Variants in SMIM20 observed in about 807,000 individuals in gnomAD.
SMIM20 encodes the protein mitochondrial translation regulation assembly intermediate of cytochrome c oxidase protein of 7 kDa.
SMIM20 carries 3 observed loss-of-function variants against 8.7 expected under a neutral mutation model. The observed-to-expected ratio is 0.34, with a 90% CI of 0.16 to 0.89. The LOEUF (loss-of-function observed/expected upper bound fraction) is 0.89. Ranked by LOEUF, SMIM20 falls within the 40% of genes least tolerant of loss-of-function variation. The pLI, the probability that SMIM20 is intolerant of heterozygous loss-of-function variation, is 0.49. For synonymous variants in SMIM20, 44 were observed against 33.6 expected, an observed-to-expected ratio of 1.31 and a Z score of -1.07; for missense variants, 85 against 84.8, an observed-to-expected ratio of 1.00 and a Z score of -0.01.
At chr4:25,926,119 C>G (rs1719288061) in intron 1 of SMIM20, among the ~76,000 whole-genome samples, 1 of 152,198 alleles carries the variant, frequency 6.6e-6, no homozygotes, top group Non-Finnish European at 1.5e-5. Context: ...AGTTAAACCC[C>G]TGACTTCTGC....
chr4:25,921,782 A>C (rs570043928), intron 1 of SMIM20, among the ~76,000 whole-genome samples: 1 of 152,222 alleles, frequency 6.6e-6, no homozygotes, highest in Non-Finnish European at 1.5e-5. Context: ...GCTGGGGAAC[A>C]CCAGTGTCAG....
At chr4:25,924,486 T>C (rs930693029) in intron 1 of SMIM20, among the ~76,000 whole-genome samples, 3 of 152,124 alleles carry the variant, frequency 2.0e-5, no homozygotes, top group East Asian at 3.9e-4. Flanking sequence ...AATAAATAAA[T>C]AAACAAAAGA....
intron 1 of SMIM20, among the ~76,000 whole-genome samples, chr4:25,923,263 A>G (rs1375067731): frequency 6.6e-6 from 1 of 152,226 alleles, no homozygotes; most frequent in African/African-American, 2.4e-5. Context: ...ACAGATGGCT[A>G]ATCTGTCTTT....
chr4:25,927,105 T>A (rs1711529720), intron 1 of SMIM20, among the ~76,000 whole-genome samples: 1 of 152,348 alleles, frequency 6.6e-6, no homozygotes. Context: ...GAGAGAATCT[T>A]GGTTGCCATT....
At position 25,929,176 on chromosome 4, in the gene SMIM20, AT is replaced by A. The variant is rs1711584486; in HGVS notation, c.192del (p.Phe64LeufsTer13). 1 of 1,551,996 alleles carries A rather than the reference AT, an allele frequency of 6.4e-7. No individual in the cohort carries two copies. Among genetic ancestry groups the A allele is most frequent in the South Asian group, 1.2e-5 (1 of 84,052 alleles). On this transcript the variant is annotated frameshift_variant, in exon 3 of 3. Transcript: ENST00000506197. LOFTEE classifies it high-confidence loss of function. Reference protein sequence around the residue: ...PPGLKVWSDPFGRK With the variant: ...PPGLKVWSDPXGRK Reference sequence around the variant, plus strand: ...TAGGGTTAAAAGTGTGGTCTGATCCATTTGGCAGGAAATGAGAGGGCTGTCA... The same window carrying A: ...TAGGGTTAAAAGTGTGGTCTGATCCATTGGCAGGAAATGAGAGGGCTGTCA...
chr4:25,918,724 G>A (rs1224641310), intron 1 of SMIM20, among the ~76,000 whole-genome samples: 1 of 151,510 alleles, frequency 6.6e-6, no homozygotes, highest in African/African-American at 2.4e-5. Flanking sequence ...TGTTGGCCAG[G>A]CTGGTCTCGA....
chr4:25,922,602 G>A (rs1215589730), intron 1 of SMIM20, among the ~76,000 whole-genome samples: 2 of 152,188 alleles, frequency 1.3e-5, no homozygotes, highest in Non-Finnish European at 1.5e-5. Flanking sequence ...ACTCCTGTTA[G>A]CCTTTCTTGT....
chr4:25,922,110 G>T (rs572001406), intron 1 of SMIM20, among the ~76,000 whole-genome samples: 1 of 152,330 alleles, frequency 6.6e-6, no homozygotes, highest in South Asian at 2.1e-4. Context: ...TATTAATAGT[G>T]TATTAAGTTG....
At chr4:25,923,146 C>G (rs1719227809) in intron 1 of SMIM20, among the ~76,000 whole-genome samples, 1 of 152,206 alleles carries the variant, frequency 6.6e-6, no homozygotes, top group Non-Finnish European at 1.5e-5. Flanking sequence ...AACCAGAAGT[C>G]TGGGTACAGT....
intron 1 of SMIM20, among the ~76,000 whole-genome samples, chr4:25,925,063 TTA>T (rs555957329): frequency 6.6e-6 from 1 of 151,994 alleles, no homozygotes; most frequent in East Asian, 1.9e-4. Flanking sequence ...AGATATCTTG[TTA>T]TATATATATG....
At chr4:25,920,280 T>C (rs931729145) in intron 1 of SMIM20, among the ~76,000 whole-genome samples, 1 of 152,194 alleles carries the variant, frequency 6.6e-6, no homozygotes, top group Non-Finnish European at 1.5e-5. Context: ...CATAAGATTA[T>C]CATGGTGCTG....
chr4:25,915,860 G>A lies in SMIM20; in HGVS notation c.109+1438G>A, dbSNP rs1359923064. On this transcript the variant is annotated intron_variant, in intron 1 of 2. Coordinates refer to ENST00000506197, the MANE Select transcript of SMIM20 (RefSeq NM_001145432.3). ...TGCTTGTCACAACTTGGGATGGGGC[G>A]GGGGGGGGGTCGAGTGTTGCTACTG... 3.5e-4 allele frequency among the ~76,000 whole-genome samples: 17 copies of A among 48,412 alleles called. 4 individuals are homozygous for A. Among genetic ancestry groups the A allele is most frequent in the African/African-American group, 1.3e-4 (1 of 7,918 alleles). The allele number at this position is 48,412 out of a possible 152,430, so 31.8% of individuals were successfully genotyped here.
intron 1 of SMIM20, among the ~76,000 whole-genome samples, chr4:25,917,409 C>G (rs575547902): frequency 6.6e-6 from 1 of 152,020 alleles, no homozygotes; most frequent in Non-Finnish European, 1.5e-5. Flanking sequence ...AAAATGTTTA[C>G]AAAATAATGA....
rs1344456176 is a variant in SMIM20 at position 25,918,998 on chromosome 4, G to A, written c.109+4576G>A. Among the ~76,000 whole-genome samples the A allele has an allele frequency of 5.0e-4, 68 of 135,802 alleles. 1 individual carries two copies. Among genetic ancestry groups the A allele is most frequent in the Non-Finnish European group, 2.1e-4 (14 of 65,310 alleles). The allele number at this position is 135,802 out of a possible 152,430, so 89.1% of individuals were successfully genotyped here. A position where few individuals can be genotyped will look rare whatever the true frequency, so the allele number is the denominator to read the frequency against. ...CGGCTCACTGCAAGCTCCGCTTCCC[G>A]GGTTCACGCCATTCTCCTGCCTCAG... On this transcript the variant is annotated intron_variant, in intron 1 of 2. Transcript: ENST00000506197.
chr4:25,922,161 A>G (rs1719213046), intron 1 of SMIM20, among the ~76,000 whole-genome samples: 1 of 152,146 alleles, frequency 6.6e-6, no homozygotes, highest in Non-Finnish European at 1.5e-5. Flanking sequence ...GGAGAATGGC[A>G]AAGTTTCCAG....
intron 1 of SMIM20, among the ~76,000 whole-genome samples, chr4:25,925,969 G>T (rs931082603): frequency 3.3e-5 from 5 of 152,138 alleles, no homozygotes; most frequent in African/African-American, 1.2e-4. Flanking sequence ...GCACCAGGGG[G>T]CAGAGTCGGG....
chr4:25,914,464 C>T (rs1719039439), intron 1 of SMIM20, 42 bp downstream of exon 1: 7 of 1,419,586 alleles, frequency 4.9e-6, no homozygotes, highest in South Asian at 1.5e-5. Context: ...GACTCCCCAA[C>T]ACACACACCT....
chr4:25,925,772 C>T (rs112583994), intron 1 of SMIM20, among the ~76,000 whole-genome samples: 2,415 of 152,214 alleles, frequency 0.016, 63 homozygotes, highest in African/African-American at 0.055. Context: ...ATGTATTTTC[C>T]GGTGTGGACA....
chr4:25,924,052 T>C (rs573477723), intron 1 of SMIM20, among the ~76,000 whole-genome samples: 2 of 152,244 alleles, frequency 1.3e-5, no homozygotes, highest in South Asian at 4.2e-4. Context: ...CCACGTCCAT[T>C]TGGTCCCCTT....
Sources: gnomAD v4.1 joint callset for allele counts (sites outside exome capture counted in the v4.1 genomes callset) on GRCh38, gnomAD v4.1.1 for gene constraint, MANE v1.5 for transcripts, NCBI Gene and HGNC (gene_info 2026-07-23, HGNC 2026-07-21) for gene names.